Variants in NBPF8 observed in about 807,000 individuals in gnomAD.
The protein encoded by NBPF8 is NBPF member 8, also known as NBPF family member NBPF8.
chr1:120,452,800 T>C (rs1168766341), intron 13 of NBPF8, among the ~76,000 whole-genome samples: 7 of 152,290 alleles, frequency 4.6e-5, no homozygotes, highest in African/African-American at 1.7e-4. Flanking sequence ...CACTTACAAC[T>C]GCTTTCCAAA....
intron 3 of NBPF8, among the ~76,000 whole-genome samples, chr1:120,429,470 C>T (rs1418091972): frequency 6.6e-6 from 1 of 152,196 alleles, no homozygotes; most frequent in African/African-American, 2.4e-5. Context: ...TTTGCCCTCC[C>T]TGCTGTCAGA....
upstream of NBPF8, among the ~76,000 whole-genome samples, chr1:120,431,854 A>C (rs1444152257): frequency 1.4e-5 from 2 of 147,120 alleles, no homozygotes; most frequent in Non-Finnish European, 3.0e-5. Flanking sequence ...CTCATGGCTC[A>C]GTAACGAGAC....
At position 120,454,263 on chromosome 1, in the gene NBPF8, G is replaced by C; in HGVS notation, n.2568+149G>C. The C allele has an allele frequency of 2.6e-6, 4 of 1,531,018 alleles. No individual in the cohort carries two copies. In the South Asian group the frequency reaches 4.7e-5, roughly 18 times the overall value. 94.8% of individuals were successfully genotyped at this position (1,531,018 alleles called of 1,614,324 possible). On this transcript the variant is annotated intron_variant and non_coding_transcript_variant, in intron 15 of 24. Transcript: ENST00000583271. ...TCAGGGAGTTTTTTTGTCCTTCACA[G>C]CTAATGTCATGACTTTGTCTGCCAG... is the stretch of plus-strand genomic sequence containing the variant.
Position 120,431,321 on chromosome 1 carries a change from A to AATAT in NBPF8, n.510+3489_510+3492dup, listed in dbSNP as rs1336548048. The stretch of plus-strand genomic sequence containing the variant: ...TGAAGATTATCATCTCCAAATAGGG[A>AATAT]ATATATATATATATATATTTATCAT... On this transcript the variant is annotated intron_variant and non_coding_transcript_variant, in intron 3 of 28. Transcript: ENST00000652355. Among the ~76,000 whole-genome samples the AATAT allele has an allele frequency of 1.4e-4, 11 of 80,858 alleles. 1 individual carries two copies. Among genetic ancestry groups the AATAT allele is most frequent in the African/African-American group, 3.9e-4 (6 of 15,242 alleles). The allele number at this position is 80,858 out of a possible 152,430, so 53.0% of individuals were successfully genotyped here. A position where few individuals can be genotyped will look rare whatever the true frequency, so the allele number is the denominator to read the frequency against.
intron 11 of NBPF8, among the ~76,000 whole-genome samples, chr1:120,450,578 T>A (rs1271167185): frequency 0.15 from 23,288 of 151,270 alleles, 1,726 homozygotes; most frequent in East Asian, 0.47. Flanking sequence ...TATTAGTTCT[T>A]CATTCTGCTG....
upstream of NBPF8, among the ~76,000 whole-genome samples, chr1:120,431,359 A>AATATATATATATAT (rs869036983): frequency 1.2e-4 from 5 of 42,046 alleles, no homozygotes; most frequent in Admixed American, 2.4e-4. Context: ...CCAAATAGGG[A>AATATATATATATAT]ATATATATAT....
At chr1:120,433,078 C>G (rs1464226678), upstream of NBPF8, 3 of 152,226 alleles carry the variant, frequency 2.0e-5, no homozygotes, top group African/African-American at 7.2e-5. Context: ...TTAAAGAAGG[C>G]TAAATAAATA....
At chr1:120,466,033 G>C in exon 25 of NBPF8, 1 of 1,611,996 alleles carries the variant, frequency 6.2e-7, no homozygotes, top group East Asian at 2.2e-5. Context: ...GGACTCACTG[G>C]ATAGATGTTA....
At chr1:120,429,084 A>T (rs1408359069) in intron 3 of NBPF8, among the ~76,000 whole-genome samples, 1 of 152,158 alleles carries the variant, frequency 6.6e-6, no homozygotes, top group Non-Finnish European at 1.5e-5. Context: ...TCCCTTCTAG[A>T]ATGCATCCCT....
rs1219260258 is a variant in NBPF8 at position 120,455,277 on chromosome 1, G to A, written n.2569-132G>A. On this transcript the variant is annotated intron_variant and non_coding_transcript_variant, in intron 15 of 24. Transcript: ENST00000583271. ...ACCAAAGTTAATCTAGGACAACCTA[G>A]AATATTCCTGTCAGAATCCTTATTC... 180 of 634,140 alleles carry A rather than the reference G, an allele frequency of 2.8e-4. No homozygotes were observed. The African/African-American group carries it at 3.1e-3, about 11-fold the overall frequency. 39.3% of individuals were successfully genotyped at this position (634,140 alleles called of 1,614,324 possible).
At chr1:120,451,310 G>C in intron 12 of NBPF8, 28 bp downstream of exon 10, 1 of 302,286 alleles carries the variant, frequency 3.3e-6, no homozygotes. Context: ...GGGCAGGCAG[G>C]GGGCAGGTGT....
exon 25 of NBPF8, chr1:120,466,135 G>A (rs1324721704): frequency 1.9e-6 from 3 of 1,610,410 alleles, no homozygotes; most frequent in Admixed American, 1.7e-5. Flanking sequence ...CATCAGCTTT[G>A]CCCTTGACAT....
chr1:120,446,145 C>A, intron 8 of NBPF8: 1 of 1,602,732 alleles, frequency 6.2e-7, no homozygotes, highest in Non-Finnish European at 8.5e-7. Flanking sequence ...GGGTTTTTTT[C>A]TGCTACACCT....
intron 1 of NBPF8, among the ~76,000 whole-genome samples, chr1:120,425,281 G>A (rs1463636380): frequency 1.5e-4 from 23 of 152,134 alleles, no homozygotes; most frequent in South Asian, 4.2e-4. Context: ...GGAATGTCTC[G>A]GTGTAAAGCC....
In NBPF8 at chr1:120,462,982, T is replaced by A. The variant is rs1661634373; in HGVS notation, n.3234+16T>A. On this transcript the variant is annotated intron_variant and non_coding_transcript_variant, in intron 21 of 24. Coordinates refer to ENST00000583271, the Ensembl canonical transcript of NBPF8. ...GACGTGGACAGTGAGTACCTTACTATGAAGGTGATAAGCCTCCACCTGGTC... is the reference window on the plus strand; with the variant it reads ...GACGTGGACAGTGAGTACCTTACTAAGAAGGTGATAAGCCTCCACCTGGTC... 5 of 561,476 alleles carry A rather than the reference T, an allele frequency of 8.9e-6. No homozygotes were observed. The highest frequency in any genetic ancestry group is 3.3e-5 in the Admixed American group (1 of 30,680). 34.8% of individuals were successfully genotyped at this position (561,476 alleles called of 1,614,324 possible).
chr1:120,425,571 G>A (rs1182934959), intron 1 of NBPF8, among the ~76,000 whole-genome samples: 154 of 152,316 alleles, frequency 1.0e-3, no homozygotes, highest in Non-Finnish European at 1.7e-3. Context: ...TCAGAGGCCA[G>A]TGCCAGCATG....
chr1:120,431,513 G>A (rs1553247066), upstream of NBPF8, among the ~76,000 whole-genome samples: 2 of 151,310 alleles, frequency 1.3e-5, no homozygotes, highest in Non-Finnish European at 2.9e-5. Context: ...ACATGAATGG[G>A]CAATTAGCAT....
At chr1:120,467,947 TGA>T (rs1194325947), downstream of NBPF8, among the ~76,000 whole-genome samples, 28 of 145,560 alleles carry the variant, frequency 1.9e-4, no homozygotes, top group East Asian at 3.1e-4. Flanking sequence ...TTCGTGAGTG[TGA>T]GAGTGTGTGT....
At chr1:120,454,466 A>G (rs1181332516) in intron 15 of NBPF8, among the ~76,000 whole-genome samples, 8 of 152,090 alleles carry the variant, frequency 5.3e-5, no homozygotes, top group Non-Finnish European at 7.4e-5. Flanking sequence ...TGCCTGTTTA[A>G]GGAAGCTGGC....
Sources: gnomAD v4.1 joint callset for allele counts (sites outside exome capture counted in the v4.1 genomes callset) on GRCh38, gnomAD v4.1.1 for gene constraint, MANE v1.5 for transcripts, NCBI Gene and HGNC (gene_info 2026-07-23, HGNC 2026-07-21) for gene names.